The following LZTS2 variants were observed in gnomAD, a reference collection of about 807,000 sequenced individuals.
LZTS2 encodes the protein leucine zipper tumor suppressor 2, also known as leucine zipper putative tumor suppressor 2.
A neutral mutation model predicts 60.6 loss-of-function variants in LZTS2; 32 were observed. The observed-to-expected ratio is 0.53, with a 90% confidence interval of 0.40 to 0.71. The LOEUF (loss-of-function observed/expected upper bound fraction) is 0.71, where lower values mean the gene tolerates loss of function less well. Among genes scored for constraint, LZTS2 ranks in the 30% least tolerant of loss-of-function variants. LZTS2 has a pLI of 0.00. For missense variants in LZTS2, 792 were observed against 901.9 expected (o/e 0.88, Z 1.56); for synonymous variants, 360 against 393.1 (o/e 0.92, Z 1.00).
Position 101,004,256 on chromosome 10 carries a change from G to A in LZTS2, c.1068+90G>A, listed in dbSNP as rs754264653. ...CGGCATTTCCATTTTGGCAGGGAACGGGGGTTGGGTAGTTGTAGTTGTGAC... is the reference window on the plus strand; with the variant it reads ...CGGCATTTCCATTTTGGCAGGGAACAGGGGTTGGGTAGTTGTAGTTGTGAC... On this transcript the variant is annotated intron_variant, in intron 2 of 3. Transcript: ENST00000370220. 1,573 of 1,433,412 alleles carry A rather than the reference G, an allele frequency of 1.1e-3. 1 individual carries two copies. Among genetic ancestry groups the A allele is most frequent in the Non-Finnish European group, 1.4e-3 (1,484 of 1,069,884 alleles). The allele number at this position is 1,433,412 out of a possible 1,614,324, so 88.8% of individuals were successfully genotyped here.
chr10:101,005,831 C>G (rs1202371981), intron 3 of LZTS2, 116 bp downstream of exon 4: 2 of 1,332,714 alleles, frequency 1.5e-6, no homozygotes, highest in African/African-American at 1.5e-5. Flanking sequence ...CCCTTTCTCA[C>G]CTCCGTGAGA....
chr10:101,000,817 C>T (rs1163573073), exon 1 of LZTS2: 3 of 152,292 alleles, frequency 2.0e-5, no homozygotes, highest in East Asian at 1.9e-4. Context: ...AGCCCCAGCC[C>T]TACAGAGGGG....
At chr10:101,003,409 T>C (rs1350285035) in intron 1 of LZTS2, 98 bp from the exon 3 acceptor site, 2 of 1,287,190 alleles carry the variant, frequency 1.6e-6, no homozygotes, top group African/African-American at 3.0e-5. Context: ...TATGAATATA[T>C]GGGCACTGGG....
At chr10:101,000,792 G>A (rs894564803) in exon 1 of LZTS2, 17 of 152,344 alleles carry the variant, frequency 1.1e-4, no homozygotes, top group African/African-American at 4.1e-4. Context: ...GGGCTGGGGT[G>A]TGTGGGGTGG....
chr10:101,002,508 G>A (rs760581287), exon 1 of LZTS2: 3 of 1,496,304 alleles, frequency 2.0e-6, no homozygotes, highest in African/African-American at 1.4e-5. Context: ...TCGCCTGCGA[G>A]GCCGCTGGCC....
chr10:101,004,109 G>A, exon 2 of LZTS2: 1 of 1,613,038 alleles, frequency 6.2e-7, no homozygotes, highest in Non-Finnish European at 8.5e-7. Context: ...GAGACCGGGA[G>A]GCAGAGCTTC....
At chr10:101,005,625 G>C (rs1430379062) in exon 3 of LZTS2, 5 of 1,611,124 alleles carry the variant, frequency 3.1e-6, no homozygotes, top group Non-Finnish European at 3.4e-6. Context: ...CACAGCTGCT[G>C]CAGGAGCGCG....
At chr10:100,997,820 G>C (rs969737396), upstream of LZTS2, among the ~76,000 whole-genome samples, 3 of 152,224 alleles carry the variant, frequency 2.0e-5, no homozygotes, top group African/African-American at 7.2e-5. Context: ...CCTGGAGCGG[G>C]GATAAGCCCT....
At chr10:101,007,587 TG>T in exon 4 of LZTS2, 4 of 1,291,708 alleles carry the variant, frequency 3.1e-6, no homozygotes, top group Non-Finnish European at 4.0e-6. Context: ...CTGCCCACAT[TG>T]GGGGACAGGG....
chr10:101,007,091 CG>C lies in LZTS2; in HGVS notation c.1936del (p.Glu646SerfsTer46). The C allele has an allele frequency of 1.2e-6, 2 of 1,610,440 alleles. No homozygotes were observed. ...GCAGCTCAGCCTGGAGCTGGAGGCC[CG>C]GGAGCTCGCTGACCTGGGCCTGGCC... On this transcript the variant is annotated frameshift_variant, in exon 4 of 4. Transcript: ENST00000370220. LOFTEE classifies it high-confidence loss of function.
chr10:101,003,076 C>T (rs1030955455), intron 1 of LZTS2, 130 bp downstream of exon 2: 60 of 1,167,444 alleles, frequency 5.1e-5, no homozygotes, highest in Middle Eastern at 5.0e-4. Flanking sequence ...CTAATCCCAG[C>T]TCTCTCTCAT....
chr10:101,002,121 T>C (rs561249999), exon 1 of LZTS2: 44 of 162,270 alleles, frequency 2.7e-4, no homozygotes, highest in Non-Finnish European at 5.2e-4. Flanking sequence ...GCCACCTGGC[T>C]GAGAGGACCA....
intron 1 of LZTS2, 112 bp from the exon 3 acceptor site, chr10:101,003,395 T>G: frequency 1.7e-6 from 2 of 1,148,082 alleles, no homozygotes; most frequent in Non-Finnish European, 2.4e-6. Flanking sequence ...GTGGCCGCAA[T>G]TGTTATGAAT....
At chr10:101,006,994 C>A in exon 4 of LZTS2, 1 of 1,560,950 alleles carries the variant, frequency 6.4e-7, no homozygotes, top group Non-Finnish European at 8.7e-7. Flanking sequence ...AGGTGATCCG[C>A]TACCAGAAGC....
chr10:101,006,446 C>T, intron 3 of LZTS2, 39 bp from the exon 5 acceptor site: 1 of 1,574,980 alleles, frequency 6.3e-7, no homozygotes, highest in Non-Finnish European at 8.6e-7. Flanking sequence ...CCCAGGAGAA[C>T]CTGTCTCACC....
exon 1 of LZTS2, chr10:101,000,768 ATCTGC>A (rs1564815490): frequency 6.6e-6 from 1 of 152,032 alleles, no homozygotes; most frequent in Non-Finnish European, 1.5e-5. Context: ...GGGGTTCTCT[ATCTGC>A]TCTGCTGGGG....
At chr10:101,001,549 G>A (rs192990578) in exon 1 of LZTS2, 1 of 152,364 alleles carries the variant, frequency 6.6e-6, no homozygotes, top group East Asian at 1.9e-4. Flanking sequence ...CTAAGTCCTG[G>A]TCATCAGCGG....
rs183747098 is a variant in LZTS2, at chr10:101,007,118, G to C, written c.1960G>C (p.Glu654Gln). Residue 654 changes from glutamate (E) to glutamine (Q), a missense_variant, in exon 4 of 4, where the codon GAG becomes CAG. Coordinates refer to ENST00000370220, the Ensembl canonical transcript of LZTS2. ...GGAGCTCGCTGACCTGGGCCTGGCC[G>C]AGCAGGCCCCCTGCATCTGCCTGGA... 1.9e-6 allele frequency: 3 copies of C among 1,609,706 alleles called. No individual in the cohort carries two copies. In the Admixed American group the frequency reaches 5.0e-5, roughly 27 times the overall value.
chr10:100,996,735 TC>T (rs1443387205), upstream of LZTS2: 3 of 152,418 alleles, frequency 2.0e-5, no homozygotes, highest in South Asian at 6.2e-4. Context: ...TTTGTCTGCT[TC>T]CCAGGGGTTG....
Sources: allele counts gnomAD v4.1 joint callset (sites outside exome capture counted in the v4.1 genomes callset), GRCh38; gene constraint gnomAD v4.1.1; transcripts MANE v1.5; gene names NCBI Gene and HGNC (gene_info 2026-07-23, HGNC 2026-07-21).